The following RANBP2 variants were observed in gnomAD, a reference collection of about 807,000 sequenced individuals.
The protein encoded by RANBP2 is RAN binding protein 2, also known as E3 SUMO-protein ligase RanBP2.
A neutral mutation model predicts 303.6 loss-of-function variants in RANBP2; 57 were observed. The observed-to-expected ratio is 0.19, with a 90% CI of 0.15 to 0.23. RANBP2 has a LOEUF of 0.23. Ranked by LOEUF, RANBP2 falls within the 10% of genes least tolerant of loss-of-function variation. The probability of loss-of-function intolerance (pLI) is 1.00; values close to 1 mark genes in which losing one functional copy is unlikely to be tolerated. For missense variants in RANBP2, 3,138 were observed against 3,780.8 expected, an observed-to-expected ratio of 0.83 and a Z score of 4.46; for synonymous variants, 1,167 against 1,301.5, an observed-to-expected ratio of 0.90 and a Z score of 2.23.
At chr2:109,646,779 T>C in the RANBP2 span, among the ~76,000 whole-genome samples, 1 of 151,894 alleles carries the variant, frequency 6.6e-6, no homozygotes, top group African/African-American at 2.4e-5. Context: ...GTGCTGGGAT[T>C]ACAAGTGTGA....
chr2:109,172,545 A>C, the RANBP2 span, among the ~76,000 whole-genome samples: 1 of 152,112 alleles, frequency 6.6e-6, no homozygotes, highest in Non-Finnish European at 1.5e-5. Context: ...GTCCCGTCCT[A>C]GCTCTTGTTA....
chr2:109,678,625 G>T, the RANBP2 span, among the ~76,000 whole-genome samples: 1 of 152,180 alleles, frequency 6.6e-6, no homozygotes, highest in Non-Finnish European at 1.5e-5. Flanking sequence ...CACTGAAAAA[G>T]GCACACATGA....
At chr2:108,733,213 T>C (rs1380342023) in intron 4 of RANBP2, among the ~76,000 whole-genome samples, 1 of 151,792 alleles carries the variant, frequency 6.6e-6, no homozygotes, top group African/African-American at 2.4e-5. Flanking sequence ...AGTTGGTTCC[T>C]TTACTTCTGA....
At chr2:109,270,181 C>T in the RANBP2 span, among the ~76,000 whole-genome samples, 90 of 152,290 alleles carry the variant, frequency 5.9e-4, 1 homozygote, top group African/African-American at 1.8e-3. Flanking sequence ...GATTGATGAT[C>T]AGCAAATTGG....
the RANBP2 span, among the ~76,000 whole-genome samples, chr2:109,022,133 CG>C: frequency 6.6e-6 from 1 of 152,216 alleles, no homozygotes; most frequent in Non-Finnish European, 1.5e-5. Flanking sequence ...TGCGCCACAC[CG>C]TCCCCTACTG....
chr2:109,374,906 C>T, the RANBP2 span, among the ~76,000 whole-genome samples: 9 of 152,204 alleles, frequency 5.9e-5, no homozygotes, highest in East Asian at 1.9e-4. Flanking sequence ...ACAAAGTAAA[C>T]GAGAGTGTGC....
the RANBP2 span, chr2:109,129,995 G>C: frequency 7.7e-7 from 1 of 1,294,798 alleles, no homozygotes; most frequent in South Asian, 2.4e-5. Flanking sequence ...CTCGCGGGCG[G>C]CGGGGGCGGC....
At chr2:109,148,643 C>T in the RANBP2 span, among the ~76,000 whole-genome samples, 1 of 152,326 alleles carries the variant, frequency 6.6e-6, no homozygotes, top group Middle Eastern at 3.4e-3. Context: ...GCAGAAGCCA[C>T]AGCGTTTAAA....
At chr2:109,314,411 G>T in the RANBP2 span, among the ~76,000 whole-genome samples, 1 of 152,178 alleles carries the variant, frequency 6.6e-6, no homozygotes. Flanking sequence ...CCCTGCCTTG[G>T]TATAGCCAGG....
Position 108,781,347 on chromosome 2 carries a change from T to C in RANBP2, c.8678T>C (p.Val2893Ala). 2.5e-6 allele frequency: 4 copies of C among 1,614,116 alleles called. No individual in the cohort carries two copies. The highest frequency in any genetic ancestry group is 3.4e-6 in the Non-Finnish European group (4 of 1,180,018). ...QSVGTQSAGK[V>A]GEDEDGSDEE... Reference sequence around the variant, plus strand: ...GTCGGAACCCAGTCAGCCGGTAAAGTTGGTGAAGATGAAGATGGTAGTGAT... The same window carrying C: ...GTCGGAACCCAGTCAGCCGGTAAAGCTGGTGAAGATGAAGATGGTAGTGAT... Residue 2893 changes from valine to alanine, a missense_variant, in exon 26 of 29, where the codon GTT (valine) becomes GCT (alanine). Val to Ala is a moderately conservative substitution (Grantham distance 64). Around this residue, in one of 20 missense-constraint regions of RANBP2, gnomAD observed 68 missense variants for 117.4 expected, o/e 0.58. Transcript: ENST00000283195.
the RANBP2 span, among the ~76,000 whole-genome samples, chr2:109,680,339 C>A: frequency 6.6e-6 from 1 of 150,866 alleles, no homozygotes; most frequent in Non-Finnish European, 1.5e-5. Context: ...CCACTGCACT[C>A]CAGCCTAGGC....
the RANBP2 span, among the ~76,000 whole-genome samples, chr2:109,325,873 A>T: frequency 6.6e-6 from 1 of 152,254 alleles, no homozygotes; most frequent in East Asian, 1.9e-4. Flanking sequence ...CCTGGGAAAA[A>T]GTTCAGAGAG....
the RANBP2 span, among the ~76,000 whole-genome samples, chr2:109,131,650 G>T: frequency 1.3e-5 from 2 of 152,180 alleles, no homozygotes; most frequent in African/African-American, 4.8e-5. Flanking sequence ...AAGCTTTGAT[G>T]CCACTCCGGG....
At chr2:109,268,099 T>A in the RANBP2 span, among the ~76,000 whole-genome samples, 9 of 151,018 alleles carry the variant, frequency 6.0e-5, no homozygotes, top group Non-Finnish European at 1.2e-4. Flanking sequence ...AAGGGGCCGA[T>A]GGGGAGGAAG....
chr2:109,349,224 T>G, the RANBP2 span, among the ~76,000 whole-genome samples: 25 of 152,186 alleles, frequency 1.6e-4, no homozygotes, highest in Non-Finnish European at 1.0e-4. Flanking sequence ...TTGAGCAAAA[T>G]TGGCATGTCC....
the RANBP2 span, among the ~76,000 whole-genome samples, chr2:108,793,574 C>T: frequency 6.6e-6 from 1 of 151,856 alleles, no homozygotes. Context: ...TACTTATATA[C>T]CCTCAGGAAA....
the RANBP2 span, chr2:108,815,999 A>G: frequency 6.2e-7 from 1 of 1,612,020 alleles, no homozygotes; most frequent in African/African-American, 1.3e-5. Context: ...TGGATTTCGG[A>G]TCATCATCTT....
chr2:109,328,960 C>A, the RANBP2 span, among the ~76,000 whole-genome samples: 1 of 152,108 alleles, frequency 6.6e-6, no homozygotes, highest in Non-Finnish European at 1.5e-5. Context: ...ACAAGCTTGG[C>A]CACGTCCTTC....
the RANBP2 span, among the ~76,000 whole-genome samples, chr2:109,081,925 G>T: frequency 1.3e-5 from 2 of 152,260 alleles, no homozygotes; most frequent in Non-Finnish European, 2.9e-5. Flanking sequence ...GGAAAAGTCT[G>T]TCTGGTTCTT....
Sources: allele counts gnomAD v4.1 joint callset (sites outside exome capture counted in the v4.1 genomes callset), GRCh38; gene constraint gnomAD v4.1.1; regional missense constraint gnomAD v4.1.1; transcripts MANE v1.5; gene names NCBI Gene and HGNC (gene_info 2026-07-23, HGNC 2026-07-21).